IGFL2: variants seen among roughly 807,000 people sequenced by gnomAD.
IGFL2 encodes insulin growth factor-like family member 2.
Under a neutral mutation model 13.9 loss-of-function variants are expected in IGFL2, and 7 were observed. The observed-to-expected ratio is 0.51, with a 90% CI of 0.29 to 0.95. The LOEUF is 0.95. IGFL2 is among the 40% of genes least tolerant of loss of function. The probability of loss-of-function intolerance (pLI) is 0.08; values close to 1 mark genes in which losing one functional copy is unlikely to be tolerated. For missense variants in IGFL2, 138 were observed against 147.8 expected, an observed-to-expected ratio of 0.93 and a Z score of 0.34; for synonymous variants, 55 against 55.8, an observed-to-expected ratio of 0.99 and a Z score of 0.07.
chr19:46,200,684 A>T, the IGFL2 span: 547 of 133,052 alleles, frequency 4.1e-3, 1 homozygote, highest in Non-Finnish European at 7.5e-3. Context: ...CCCAGCTTTT[A>T]AAAAAAAAAA....
the IGFL2 span, among the ~76,000 whole-genome samples, chr19:46,089,380 A>G: frequency 6.6e-6 from 1 of 152,284 alleles, no homozygotes; most frequent in African/African-American, 2.4e-5. Flanking sequence ...TTAAACCTTC[A>G]TGTGAAATAC....
At chr19:46,175,208 A>G in the IGFL2 span, among the ~76,000 whole-genome samples, 1 of 152,214 alleles carries the variant, frequency 6.6e-6, no homozygotes, top group African/African-American at 2.4e-5. Flanking sequence ...ATTTTCTTAT[A>G]TGTATTACCT....
At chr19:46,097,390 G>T in the IGFL2 span, among the ~76,000 whole-genome samples, 1 of 151,988 alleles carries the variant, frequency 6.6e-6, no homozygotes, top group Non-Finnish European at 1.5e-5. Flanking sequence ...TATTGTGTCT[G>T]TTTGATTCTT....
At chr19:46,175,077 TTAA>T in the IGFL2 span, among the ~76,000 whole-genome samples, 411 of 152,328 alleles carry the variant, frequency 2.7e-3, 1 homozygote, top group African/African-American at 9.1e-3. Flanking sequence ...TAGTAAATTA[TTAA>T]TAACTTGGTC....
At chr19:46,167,437 G>T in the IGFL2 span, among the ~76,000 whole-genome samples, 2 of 152,134 alleles carry the variant, frequency 1.3e-5, no homozygotes, top group African/African-American at 2.4e-5. Context: ...GTATCTGATG[G>T]CTGCTGCTAT....
the IGFL2 span, among the ~76,000 whole-genome samples, chr19:46,168,820 G>A: frequency 6.6e-6 from 1 of 151,526 alleles, no homozygotes; most frequent in Non-Finnish European, 1.5e-5. Flanking sequence ...TTCCTTTAAG[G>A]TTGGCATATC....
chr19:46,090,238 C>T, the IGFL2 span, among the ~76,000 whole-genome samples: 5 of 152,252 alleles, frequency 3.3e-5, no homozygotes, highest in African/African-American at 1.2e-4. Flanking sequence ...ATTTCTTATT[C>T]TAGCCACTTA....
chr19:46,146,695 G>T (rs1309009794), upstream of IGFL2, among the ~76,000 whole-genome samples: 1 of 152,050 alleles, frequency 6.6e-6, no homozygotes, highest in African/African-American at 2.4e-5. Flanking sequence ...GGGGAGGGGG[G>T]TATTGTAAAT....
the IGFL2 span, among the ~76,000 whole-genome samples, chr19:46,128,503 T>C: frequency 1.1e-4 from 17 of 152,338 alleles, no homozygotes; most frequent in Non-Finnish European, 2.4e-4. Flanking sequence ...CTCTTGTTAT[T>C]TTGAAGTATA....
the IGFL2 span, among the ~76,000 whole-genome samples, chr19:46,184,536 C>T: frequency 6.6e-6 from 1 of 152,090 alleles, no homozygotes; most frequent in African/African-American, 2.4e-5. Flanking sequence ...TTCTGTTCTT[C>T]TGTTAGTTTG....
chr19:46,141,676 AG>A (rs1972865314), upstream of IGFL2, among the ~76,000 whole-genome samples: 2 of 151,988 alleles, frequency 1.3e-5, no homozygotes, highest in South Asian at 4.2e-4. Context: ...CCCTCCTCAC[AG>A]TAACTCTTAG....
chr19:46,196,333 AC>A, the IGFL2 span: 2 of 189,384 alleles, frequency 1.1e-5, no homozygotes, highest in Non-Finnish European at 2.4e-5. Flanking sequence ...CTCACTCCCC[AC>A]CCCAAACTAC....
At chr19:46,130,682 A>G in the IGFL2 span, among the ~76,000 whole-genome samples, 1 of 152,342 alleles carries the variant, frequency 6.6e-6, no homozygotes, top group East Asian at 1.9e-4. Flanking sequence ...GAAGAAATTT[A>G]TGAGCTTGGA....
At chr19:46,174,313 C>T in the IGFL2 span, among the ~76,000 whole-genome samples, 3 of 152,150 alleles carry the variant, frequency 2.0e-5, no homozygotes, top group African/African-American at 2.4e-5. Flanking sequence ...AAACCAACAC[C>T]GGGCCCTTGT....
At chr19:46,078,910 G>GATGGGTGAGGCGGC in the IGFL2 span, among the ~76,000 whole-genome samples, 1 of 34,650 alleles carries the variant, frequency 2.9e-5, no homozygotes, top group Non-Finnish European at 5.6e-5. Flanking sequence ...TCGCGCAGGC[G>GATGGGTGAGGCGGC]TCGTCAGTAG....
chr19:46,168,947 T>C, the IGFL2 span, among the ~76,000 whole-genome samples: 2 of 152,114 alleles, frequency 1.3e-5, no homozygotes, highest in East Asian at 1.9e-4. Flanking sequence ...TGTATGTGTA[T>C]GTGTACCTTT....
chr19:46,084,755 T>A, the IGFL2 span, among the ~76,000 whole-genome samples: 9 of 152,284 alleles, frequency 5.9e-5, no homozygotes, highest in African/African-American at 2.2e-4. Flanking sequence ...GAGGGATATG[T>A]CCCCATGATA....
At chr19:46,178,254 G>A in the IGFL2 span, among the ~76,000 whole-genome samples, 2 of 151,134 alleles carry the variant, frequency 1.3e-5, no homozygotes, top group Non-Finnish European at 1.5e-5. Context: ...TCCAGCCTGG[G>A]CAACAGAGCA....
chr19:46,159,528 C>T (rs1041524295), intron 1 of IGFL2: 1 of 152,178 alleles, frequency 6.6e-6, no homozygotes, highest in African/African-American at 2.4e-5. Flanking sequence ...AACACCCTTC[C>T]TCTTATTTTG....
Sources: allele counts gnomAD v4.1 joint callset (sites outside exome capture counted in the v4.1 genomes callset), GRCh38; gene constraint gnomAD v4.1.1; transcripts MANE v1.5; gene names NCBI Gene and HGNC (gene_info 2026-07-23, HGNC 2026-07-21).